Variants in HK3 observed in about 807,000 individuals in gnomAD.
HK3 encodes the protein hexokinase 3.
Under a neutral mutation model 91.0 loss-of-function variants are expected in HK3, and 93 were observed. The ratio of observed to expected loss-of-function variants is 1.02; its 90% CI spans 0.86 to 1.21. The LOEUF (loss-of-function observed/expected upper bound fraction) is 1.21. Among genes scored for constraint, HK3 ranks in the 50% most tolerant of loss-of-function variants. The pLI, the probability that HK3 is intolerant of heterozygous loss-of-function variation, is 0.00. For missense variants in HK3, 1,235 were observed against 1,247.4 expected (o/e 0.99, Z 0.15); for synonymous variants, 519 against 516.9 (o/e 1.00, Z -0.06).
intron 2 of HK3, among the ~76,000 whole-genome samples, chr5:176,892,358 G>A (rs1415157742): frequency 5.3e-5 from 8 of 152,148 alleles, no homozygotes; most frequent in South Asian, 4.1e-4. Flanking sequence ...CAAGCCATTC[G>A]AAGATCCAGG....
In HK3 at chr5:176,887,125, T is replaced by A. The variant is rs1469725705; in HGVS notation, c.1738-4A>T. 1 of 1,614,074 alleles carries A rather than the reference T, an allele frequency of 6.2e-7. No individual in the cohort carries two copies. The highest frequency in any genetic ancestry group is 8.5e-7 in the Non-Finnish European group (1 of 1,180,040). ...AGTCCACGATGTGGTCAAAGAGCTG[T>A]GGGGCAGGACAGGTCAGGCGTAGGC... On this transcript the variant is annotated splice_region_variant and splice_polypyrimidine_tract_variant and intron_variant, in intron 12 of 18. Coordinates refer to ENST00000292432, the MANE Select transcript of HK3 (RefSeq NM_002115.3). The surrounding 1 kb of genome is among the most constrained non-coding windows in gnomAD (Gnocchi z 4.9).
At position 176,887,411 on chromosome 5, in the gene HK3, G is replaced by A. The variant is rs1276154394; in HGVS notation, c.1600+40C>T. 1.9e-6 allele frequency: 3 copies of A among 1,612,750 alleles called. No homozygotes were observed. Among genetic ancestry groups the A allele is most frequent in the Non-Finnish European group, 1.7e-6 (2 of 1,179,372 alleles). ...CCCCAGCACACACTGGGACCCCCAG[G>A]AGCCCATGTTTCGGTCCCACACTCA... On this transcript the variant is annotated intron_variant, in intron 11 of 18. Coordinates refer to ENST00000292432, the MANE Select transcript of HK3 (RefSeq NM_002115.3). The surrounding 1 kb of genome is among the most constrained non-coding windows in gnomAD (Gnocchi z 4.9).
Position 176,887,475 on chromosome 5 carries a change from C to T in HK3, c.1576G>A (p.Val526Ile), listed in dbSNP as rs767374612. ...CCGCTGCCGTCAGGGGTGGCCCGGA[C>T]GAAAGTGGGCAGCATGCGAAGGGAG... ...ASSLRMLPTF[V>I]RATPDGSERG... The change falls in exon 11 of 19, where the codon GTC becomes ATC. Residue 526 changes from valine to isoleucine, a missense_variant. Physicochemically the swap from Val to Ile is conservative, Grantham distance 29 (BLOSUM62 3). Coordinates refer to ENST00000292432, the MANE Select transcript of HK3 (RefSeq NM_002115.3). This position sits in a 1 kb window ranked among gnomAD's most constrained non-coding sequence, Gnocchi z 4.9. The T allele has an allele frequency of 9.9e-6, 16 of 1,612,624 alleles. No homozygotes were observed. Among genetic ancestry groups the T allele is most frequent in the African/African-American group, 8.0e-5 (6 of 74,908 alleles).
At chr5:176,882,580 G>C (rs7716812) in intron 15 of HK3, among the ~76,000 whole-genome samples, 8,512 of 152,260 alleles carry the variant, frequency 0.056, 376 homozygotes, top group South Asian at 0.21. Flanking sequence ...TCTGGCCAGA[G>C]GTCAGGCAAT....
chr5:176,887,690 G>A lies in HK3; in HGVS notation c.1361C>T (p.Ser454Phe). ...ACCACCATCCACAGAGGGGATTAAG[G>A]AGACATCGCATTCCGGGGCCAGGAG... ...VMLLAPECDV[S>F]LIPSVDGGGR... Residue 454 changes from serine to phenylalanine, a missense_variant, in exon 11 of 19, where the codon TCC (serine) becomes TTC (phenylalanine). Transcript: ENST00000292432. This position sits in a 1 kb window ranked among gnomAD's most constrained non-coding sequence, Gnocchi z 4.9. The A allele has an allele frequency of 6.2e-7, 1 of 1,613,486 alleles. No homozygotes were observed. Among genetic ancestry groups the A allele is most frequent in the Non-Finnish European group, 8.5e-7 (1 of 1,179,598 alleles).
rs529773160 is a variant in HK3, at chr5:176,897,759, G to A, written c.-27+1508C>T. Among the ~76,000 whole-genome samples the A allele has an allele frequency of 2.6e-4, 40 of 152,068 alleles. No individual in the cohort carries two copies. The South Asian group carries it at 7.3e-3, about 28-fold the overall frequency. ...TCAGACAATGGGGTTCCCAAGTTTC[G>A]GTCATGCCCTCCCTCTACACTCCCT... is the stretch of plus-strand genomic sequence containing the variant. On this transcript the variant is annotated intron_variant, in intron 1 of 18. Coordinates refer to ENST00000292432, the MANE Select transcript of HK3 (RefSeq NM_002115.3).
rs772366449 is a variant in HK3, at chr5:176,888,669, GC to G, written c.1070+39del. ...ACAGAGTATCATCCCCTTCCTCCAA[GC>G]CAAGAATCCCCCACTAAACCACCAT... On this transcript the variant is annotated intron_variant, in intron 9 of 18. Transcript: ENST00000292432. The G allele has an allele frequency of 1.9e-6, 3 of 1,613,562 alleles. No individual in the cohort carries two copies. The African/African-American group carries it at 4.0e-5, about 22-fold the overall frequency.
At chr5:176,888,062 C>A (rs1270624573) in intron 10 of HK3, among the ~76,000 whole-genome samples, 3 of 152,124 alleles carry the variant, frequency 2.0e-5, no homozygotes, top group African/African-American at 7.2e-5. Context: ...CCATAGCCAG[C>A]CTCCCCTATC....
intron 6 of HK3, 130 bp from the exon 7 acceptor site, chr5:176,889,874 C>T: frequency 1.4e-6 from 1 of 715,154 alleles, no homozygotes; most frequent in Non-Finnish European, 2.4e-6. Context: ...TGTCTGCATG[C>T]CACACACATT....
intron 13 of HK3, 81 bp downstream of exon 13, chr5:176,886,921 T>TC (rs1259742548): frequency 3.0e-5 from 46 of 1,545,648 alleles, no homozygotes; most frequent in Non-Finnish European, 4.0e-5. Flanking sequence ...CCCAGCCTTT[T>TC]CCCCTGCCTC....
chr5:176,899,013 T>C (rs60649562), intron 1 of HK3, among the ~76,000 whole-genome samples: 4,072 of 152,200 alleles, frequency 0.027, 199 homozygotes, highest in African/African-American at 0.093. Context: ...TGTGCGCCTG[T>C]AGTCTCAGCT....
intron 5 of HK3, 34 bp from the exon 6 acceptor site, chr5:176,890,764 G>T (rs776183881): frequency 3.1e-6 from 5 of 1,614,046 alleles, no homozygotes; most frequent in Middle Eastern, 3.3e-4. Context: ...CTCCTCTGAC[G>T]GCCTTCATGG....
Position 176,881,457 on chromosome 5 carries a change from C to A in HK3, c.2472G>T (p.Met824Ile), listed in dbSNP as rs766503930. ...ACACAGCCTGGCACACCTCTAGCAC[C>A]ATCAGGGCGTCATCTGAGGTCAGGG... ...GLPLTSDDALMVLEVCQAVSQ... is the reference protein window; with the variant it reads ...GLPLTSDDALIVLEVCQAVSQ... Residue 824 changes from methionine (M) to isoleucine (I), a missense_variant, in exon 18 of 19, where the codon ATG becomes ATT. By Grantham distance (10) the Met-to-Ile change is conservative. Transcript: ENST00000292432. 1 of 1,609,772 alleles carries A rather than the reference C, an allele frequency of 6.2e-7. No homozygotes were observed. The highest frequency in any genetic ancestry group is 8.5e-7 in the Non-Finnish European group (1 of 1,180,014).
intron 10 of HK3, 66 bp downstream of exon 10, chr5:176,888,266 C>T (rs1282842219): frequency 7.3e-7 from 1 of 1,370,058 alleles, no homozygotes; most frequent in Non-Finnish European, 1.0e-6. Context: ...CCAGAGGGCC[C>T]TCTGGGTGTG....
Position 176,884,966 on chromosome 5 carries a change from T to C in HK3, c.1858-832A>G, listed in dbSNP as rs1314510638. On this transcript the variant is annotated intron_variant, in intron 13 of 18. Coordinates refer to ENST00000292432, the MANE Select transcript of HK3 (RefSeq NM_002115.3). This position sits in a 1 kb window ranked among gnomAD's most constrained non-coding sequence, Gnocchi z 4.1. ...CCCGTTTTTTATTGTCCTAGGCTCATTGTCTCAAAAACAGAAAGCAGAGAA... is the reference window on the plus strand; with the variant it reads ...CCCGTTTTTTATTGTCCTAGGCTCACTGTCTCAAAAACAGAAAGCAGAGAA... Among the ~76,000 whole-genome samples the C allele has an allele frequency of 1.3e-5, 2 of 152,164 alleles. No homozygotes were observed. Among genetic ancestry groups the C allele is most frequent in the Non-Finnish European group, 2.9e-5 (2 of 68,022 alleles).
At chr5:176,882,805 C>T (rs907235744) in intron 15 of HK3, among the ~76,000 whole-genome samples, 9 of 152,330 alleles carry the variant, frequency 5.9e-5, no homozygotes, top group Middle Eastern at 3.4e-3. Context: ...GACACAGCTT[C>T]AGCTCCAGGA....
intron 2 of HK3, 30 bp downstream of exon 2, chr5:176,896,034 C>T: frequency 1.9e-6 from 3 of 1,585,866 alleles, no homozygotes; most frequent in Non-Finnish European, 2.6e-6. Flanking sequence ...CTTAGACAAG[C>T]ATGAAACAGG....
In HK3 at chr5:176,881,108, C is replaced by T. The variant is rs1338320938; in HGVS notation, c.2737G>A (p.Val913Ile). 6.2e-7 allele frequency: 1 copy of T among 1,612,132 alleles called. No homozygotes were observed. Among genetic ancestry groups the T allele is most frequent in the African/African-American group, 1.3e-5 (1 of 74,988 alleles). ...SGKGAALVTAVACRLAQLTRV is the reference protein window; with the variant it reads ...SGKGAALVTAIACRLAQLTRV ...GTCAACTGCGCAAGGCGGCAGGCAA[C>T]AGCGGTGACCAGGGCCGCACCTTTG... Residue 913 changes from valine (V) to isoleucine (I), a missense_variant, in exon 19 of 19, where the codon GTT becomes ATT. Physicochemically the swap from Val to Ile is conservative, Grantham distance 29. This residue lies in a region of HK3 where 513 missense variants were observed against 477.4 expected (regional missense o/e 1.07). Transcript: ENST00000292432.
rs1758413786 is a variant in HK3 at position 176,881,142 on chromosome 5, A to G, written c.2703T>C (p.Asp901=). The change falls in exon 19 of 19, where the codon GAT becomes GAC. Residue 901 remains aspartate, a synonymous_variant. Coordinates refer to ENST00000292432, the MANE Select transcript of HK3 (RefSeq NM_002115.3). ...RCVVTFLQSE[D]GSGKGAALVT... is the part of the protein sequence containing the mutation. ...CCAGGGCCGCACCTTTGCCGGACCC[A>G]TCCTCTGACTGCAGGAACGTGACCA... 2 of 1,612,984 alleles carry G rather than the reference A, an allele frequency of 1.2e-6. No homozygotes were observed. Among genetic ancestry groups the G allele is most frequent in the African/African-American group, 1.3e-5 (1 of 74,916 alleles).
Sources: gnomAD v4.1 joint callset for allele counts (sites outside exome capture counted in the v4.1 genomes callset) on GRCh38, gnomAD v4.1.1 for gene constraint, gnomAD v4.1.1 regional missense constraint, Gnocchi (gnomAD v3.1) non-coding constraint, MANE v1.5 for transcripts, NCBI Gene and HGNC (gene_info 2026-07-23, HGNC 2026-07-21) for gene names.